The following LUC7L variants were observed in gnomAD, a reference collection of about 807,000 sequenced individuals.
The protein encoded by LUC7L is putative RNA-binding protein Luc7-like 1.
Under a neutral mutation model 51.1 loss-of-function variants are expected in LUC7L, and 29 were observed. That is an observed-to-expected ratio of 0.57 (90% confidence interval 0.42 to 0.77). The LOEUF is 0.77. Ranked by LOEUF, LUC7L falls within the 30% of genes least tolerant of loss-of-function variation. The probability of loss-of-function intolerance (pLI) is 0.00; values close to 1 mark genes in which losing one functional copy is unlikely to be tolerated. For synonymous variants in LUC7L, 181 were observed against 180.7 expected (o/e 1.00, Z -0.01); for missense variants, 403 against 511.9 (o/e 0.79, Z 2.05).
chr16:228,201 G>C, intron 1 of LUC7L: 2 of 1,275,868 alleles, frequency 1.6e-6, no homozygotes, highest in Non-Finnish European at 2.1e-6. Context: ...TTTAGGATTT[G>C]CAAGCATCCA....
intron 1 of LUC7L, chr16:228,715 G>C (rs1421982844): frequency 8.2e-7 from 1 of 1,216,566 alleles, no homozygotes; most frequent in South Asian, 1.4e-5. Flanking sequence ...CGACTGTCAA[G>C]CGCTGGCTAC....
At chr16:227,593 C>T (rs1314899239) in intron 1 of LUC7L, 1 of 1,291,870 alleles carries the variant, frequency 7.7e-7, no homozygotes, top group Admixed American at 3.3e-5. Context: ...AGGAGTCAGA[C>T]GTAAACAGCT....
chr16:228,743 T>G, intron 1 of LUC7L: 1 of 1,262,200 alleles, frequency 7.9e-7, no homozygotes, highest in Non-Finnish European at 1.0e-6. Context: ...CTCTCCTGTG[T>G]GCTGGGGGGA....
intron 3 of LUC7L, chr16:208,572 G>C: frequency 2.0e-6 from 2 of 1,019,162 alleles, no homozygotes; most frequent in Non-Finnish European, 2.4e-6. Flanking sequence ...CTTCTGGGGA[G>C]TTGTGAGAGA....
chr16:205,170 C>T (rs1394853974), intron 5 of LUC7L, among the ~76,000 whole-genome samples: 1 of 152,170 alleles, frequency 6.6e-6, no homozygotes, highest in African/African-American at 2.4e-5. Context: ...GGTCTGTAAG[C>T]GTTTGCATGT....
chr16:190,672 G>C, intron 7 of LUC7L, 102 bp from the exon 8 acceptor site: 2 of 1,027,450 alleles, frequency 1.9e-6, no homozygotes, highest in Non-Finnish European at 3.0e-6. Context: ...CTGAGGTCAC[G>C]AGCTGGAGAC....
intron 6 of LUC7L, among the ~76,000 whole-genome samples, chr16:197,207 CTTTTTT>C (rs754309530): frequency 2.5e-5 from 2 of 80,380 alleles, no homozygotes; most frequent in Non-Finnish European, 4.7e-5. Flanking sequence ...TGCACCCAGC[CTTTTTT>C]TTTTTTTTTT....
intron 7 of LUC7L, chr16:190,781 G>A (rs970082123): frequency 3.6e-6 from 2 of 555,968 alleles, no homozygotes; most frequent in East Asian, 2.9e-5. Context: ...TCAGGAGACT[G>A]AGGCAGGAAA....
intron 5 of LUC7L, among the ~76,000 whole-genome samples, chr16:202,372 A>AG (rs954712291): frequency 6.6e-6 from 1 of 152,142 alleles, no homozygotes; most frequent in African/African-American, 2.4e-5. Flanking sequence ...ACCTCCCACT[A>AG]GACCCCACCT....
chr16:201,242 T>TAA (rs764945208), intron 5 of LUC7L, among the ~76,000 whole-genome samples: 1,116 of 78,446 alleles, frequency 0.014, 16 homozygotes, highest in East Asian at 0.038. Context: ...GCTACATAAC[T>TAA]AAAAAAAAAA....
chr16:201,206 A>G (rs1271921138), intron 5 of LUC7L, among the ~76,000 whole-genome samples: 2 of 146,522 alleles, frequency 1.4e-5, no homozygotes, highest in East Asian at 4.0e-4. Context: ...AGGAACTAGC[A>G]AGAACTTGAA....
chr16:221,850 A>G (rs1466104480), intron 2 of LUC7L, among the ~76,000 whole-genome samples: 1 of 152,238 alleles, frequency 6.6e-6, no homozygotes, highest in Non-Finnish European at 1.5e-5. Context: ...CAGAAGTTAG[A>G]TTTTGGCAAT....
intron 1 of LUC7L, chr16:228,779 C>A: frequency 7.8e-7 from 1 of 1,284,336 alleles, no homozygotes; most frequent in Non-Finnish European, 1.0e-6. Flanking sequence ...AAGTACTTGG[C>A]AGAAACCCAC....
chr16:209,579 C>G (rs1257778394), intron 3 of LUC7L: 1 of 151,722 alleles, frequency 6.6e-6, no homozygotes, highest in Non-Finnish European at 1.5e-5. Flanking sequence ...CATGAGTCAG[C>G]TTGCTAATGT....
intron 3 of LUC7L, among the ~76,000 whole-genome samples, chr16:213,049 G>A (rs1051779209): frequency 6.6e-6 from 1 of 152,142 alleles, no homozygotes; most frequent in Admixed American, 6.6e-5. Flanking sequence ...TTACAGGCGT[G>A]AGCGCACACC....
chr16:208,834 TAAGAG>T (rs2049557476), intron 3 of LUC7L: 1 of 153,084 alleles, frequency 6.5e-6, no homozygotes, highest in Admixed American at 6.6e-5. Flanking sequence ...TGGGAAACAT[TAAGAG>T]AACTATCATA....
intron 6 of LUC7L, 30 bp from the exon 7 acceptor site, chr16:193,045 A>C: frequency 6.4e-7 from 1 of 1,564,628 alleles, no homozygotes; most frequent in Non-Finnish European, 8.8e-7. Context: ...AATGAGGAAG[A>C]GCAAGTTACA....
intron 5 of LUC7L, among the ~76,000 whole-genome samples, chr16:200,840 C>A (rs1187486526): frequency 6.6e-6 from 1 of 151,940 alleles, no homozygotes; most frequent in Non-Finnish European, 1.5e-5. Flanking sequence ...TGTGACTGCG[C>A]CACTGTACTT....
intron 6 of LUC7L, among the ~76,000 whole-genome samples, chr16:194,198 G>A (rs1039285511): frequency 2.6e-5 from 4 of 152,116 alleles, no homozygotes; most frequent in Non-Finnish European, 5.9e-5. Context: ...TGACCTCCCA[G>A]GCTCAAGCAA....
Sources: gnomAD v4.1 joint callset for allele counts (sites outside exome capture counted in the v4.1 genomes callset) on GRCh38, gnomAD v4.1.1 for gene constraint, MANE v1.5 for transcripts, NCBI Gene and HGNC (gene_info 2026-07-23, HGNC 2026-07-21) for gene names.